CSMD1: variants seen among roughly 807,000 people sequenced by gnomAD.
The protein encoded by CSMD1 is CUB and Sushi multiple domains 1.
CSMD1 carries 213 observed loss-of-function variants against 417.5 expected under a neutral mutation model. That is an observed-to-expected ratio of 0.51 (90% CI 0.46 to 0.57). The LOEUF (loss-of-function observed/expected upper bound fraction) is 0.57. Ranked by LOEUF, CSMD1 falls within the 20% of genes least tolerant of loss-of-function variation. CSMD1 has a pLI of 0.00. For synonymous variants in CSMD1, 2,862 were observed against 1,736.8 expected (o/e 1.65, Z -16.11); for missense variants, 6,923 against 4,529.7 (o/e 1.53, Z -15.17).
At chr8:2,955,270 T>C (rs983555079) in intron 64 of CSMD1, among the ~76,000 whole-genome samples, 5 of 152,250 alleles carry the variant, frequency 3.3e-5, no homozygotes, top group African/African-American at 1.2e-4. Context: ...CCAAGTATTA[T>C]TTTCCTTTTA....
chr8:3,752,402 C>A (rs763632438), intron 6 of CSMD1, among the ~76,000 whole-genome samples: 2 of 152,058 alleles, frequency 1.3e-5, no homozygotes, highest in African/African-American at 4.8e-5. Context: ...CACCTGTAAT[C>A]CCAGCACTTT....
chr8:2,945,579 C>T (rs1802171292), intron 68 of CSMD1, among the ~76,000 whole-genome samples: 3 of 152,296 alleles, frequency 2.0e-5, no homozygotes, highest in South Asian at 4.1e-4. Flanking sequence ...AGTGTTGCTA[C>T]ATCCTACCTA....
intron 2 of CSMD1, among the ~76,000 whole-genome samples, chr8:4,606,257 C>T (rs1205715788): frequency 6.6e-6 from 1 of 151,966 alleles, no homozygotes; most frequent in East Asian, 1.9e-4. Context: ...AGAAATAAAA[C>T]CTAATAAATT....
chr8:4,063,144 C>G (rs1799067644), intron 3 of CSMD1, among the ~76,000 whole-genome samples: 1 of 152,016 alleles, frequency 6.6e-6, no homozygotes, highest in African/African-American at 2.4e-5. Context: ...TTCAAAATGC[C>G]TAGAAGATTT....
chr8:3,661,145 CTT>C (rs1292930372), intron 7 of CSMD1, among the ~76,000 whole-genome samples: 1 of 152,188 alleles, frequency 6.6e-6, no homozygotes, highest in African/African-American at 2.4e-5. Flanking sequence ...GAACTCCGTA[CTT>C]TCGTATATGA....
chr8:4,948,705 T>C (rs1338320413), intron 1 of CSMD1, among the ~76,000 whole-genome samples: 1 of 152,126 alleles, frequency 6.6e-6, no homozygotes, highest in Non-Finnish European at 1.5e-5. Flanking sequence ...TATAATCTTT[T>C]GAATTTTCTA....
chr8:3,188,041 T>C, intron 35 of CSMD1, 76 bp from the exon 36 acceptor site: 5 of 923,186 alleles, frequency 5.4e-6, no homozygotes, highest in Non-Finnish European at 8.4e-6. Context: ...GGTTTTGGGG[T>C]TTTTCATGAT....
intron 12 of CSMD1, among the ~76,000 whole-genome samples, chr8:3,468,396 G>A (rs1216905160): frequency 1.3e-5 from 2 of 152,062 alleles, no homozygotes; most frequent in African/African-American, 2.4e-5. Context: ...AAGGTTTTCA[G>A]AGACACCAGC....
chr8:4,591,799 A>G (rs1646445056), intron 2 of CSMD1, among the ~76,000 whole-genome samples: 2 of 152,160 alleles, frequency 1.3e-5, no homozygotes, highest in South Asian at 2.1e-4. Context: ...GTACTCAGCA[A>G]TGAGGCAGTG....
intron 54 of CSMD1, among the ~76,000 whole-genome samples, chr8:2,996,660 A>G (rs774687760): frequency 6.6e-6 from 1 of 152,234 alleles, no homozygotes; most frequent in African/African-American, 2.4e-5. Context: ...GTTGTCAGTC[A>G]TAAGAGTTCA....
At chr8:3,009,057 G>C (rs978207038) in intron 52 of CSMD1, among the ~76,000 whole-genome samples, 6 of 152,200 alleles carry the variant, frequency 3.9e-5, no homozygotes, top group African/African-American at 1.2e-4. Context: ...CAGTGGGAAT[G>C]TTGCCACAAT....
intron 12 of CSMD1, among the ~76,000 whole-genome samples, chr8:3,459,520 G>T (rs1290602563): frequency 6.6e-6 from 1 of 152,162 alleles, no homozygotes; most frequent in Non-Finnish European, 1.5e-5. Context: ...ACACGGATGA[G>T]AGCAGAGAAC....
At chr8:3,764,733 CTCTT>C (rs1225234185) in intron 5 of CSMD1, among the ~76,000 whole-genome samples, 6 of 122,980 alleles carry the variant, frequency 4.9e-5, no homozygotes, top group African/African-American at 1.1e-4. Flanking sequence ...CTGCCCTTTT[CTCTT>C]TCTTTTTTTT....
intron 23 of CSMD1, among the ~76,000 whole-genome samples, chr8:3,317,629 G>C (rs919640217): frequency 1.8e-4 from 28 of 152,278 alleles, no homozygotes; most frequent in Non-Finnish European, 3.8e-4. Flanking sequence ...GATTGTGTAA[G>C]GATGGCTCCT....
intron 52 of CSMD1, among the ~76,000 whole-genome samples, chr8:3,017,021 C>T (rs1202994717): frequency 6.6e-6 from 1 of 152,220 alleles, no homozygotes; most frequent in Non-Finnish European, 1.5e-5. Context: ...ATCACTTAAT[C>T]TCCCAAAGCA....
intron 2 of CSMD1, among the ~76,000 whole-genome samples, chr8:4,630,974 G>A (rs915162367): frequency 6.6e-6 from 1 of 152,164 alleles, no homozygotes; most frequent in Non-Finnish European, 1.5e-5. Flanking sequence ...CATGTGTGGT[G>A]TTCATATGAG....
At chr8:2,969,427 T>C (rs1297265898) in intron 57 of CSMD1, among the ~76,000 whole-genome samples, 1 of 152,182 alleles carries the variant, frequency 6.6e-6, no homozygotes, top group Non-Finnish European at 1.5e-5. Flanking sequence ...AAAGACTAGA[T>C]GGCTAACAAA....
At chr8:4,290,392 G>T (rs1053354625) in intron 3 of CSMD1, among the ~76,000 whole-genome samples, 3 of 152,152 alleles carry the variant, frequency 2.0e-5, no homozygotes, top group Non-Finnish European at 4.4e-5. Flanking sequence ...CGTAGGAAGT[G>T]GTAAACACAG....
At chr8:4,044,647 C>T (rs1333461145) in intron 3 of CSMD1, among the ~76,000 whole-genome samples, 2 of 152,156 alleles carry the variant, frequency 1.3e-5, no homozygotes, top group Non-Finnish European at 2.9e-5. Flanking sequence ...GCACCCTGTA[C>T]GTGTACCACC....
Sources: allele counts gnomAD v4.1 joint callset (sites outside exome capture counted in the v4.1 genomes callset), GRCh38; gene constraint gnomAD v4.1.1; transcripts MANE v1.5; gene names NCBI Gene and HGNC (gene_info 2026-07-23, HGNC 2026-07-21).